The following ULK4 variants were observed in gnomAD, a reference collection of about 807,000 sequenced individuals.
ULK4 encodes inactive serine/threonine-protein kinase ULK4.
In ULK4, 133 loss-of-function variants were observed where a neutral mutation model predicts 160.6. That is an observed-to-expected ratio of 0.83 (90% CI 0.72 to 0.96). ULK4 has a LOEUF of 0.96. Among genes scored for constraint, ULK4 ranks in the 40% least tolerant of loss-of-function variants. The pLI, the probability that ULK4 is intolerant of heterozygous loss-of-function variation, is 0.00. For missense variants in ULK4, 1,580 were observed against 1,499.5 expected (o/e 1.05, Z -0.89); for synonymous variants, 534 against 539.8 (o/e 0.99, Z 0.15).
At chr3:41,673,829 C>T (rs2035617162) in intron 29 of ULK4, among the ~76,000 whole-genome samples, 1 of 152,164 alleles carries the variant, frequency 6.6e-6, no homozygotes, top group African/African-American at 2.4e-5. Flanking sequence ...CACACACTCT[C>T]CCCTTACAAT....
chr3:41,669,942 G>A (rs1193401932), intron 29 of ULK4, among the ~76,000 whole-genome samples: 2 of 152,194 alleles, frequency 1.3e-5, no homozygotes, highest in Admixed American at 1.3e-4. Flanking sequence ...AGAAACCATA[G>A]AATGGAGCAG....
At chr3:41,921,303 C>G (rs1247215870) in intron 5 of ULK4, among the ~76,000 whole-genome samples, 4 of 152,044 alleles carry the variant, frequency 2.6e-5, no homozygotes, top group Non-Finnish European at 5.9e-5. Flanking sequence ...CAAAGCAAGA[C>G]TCTGTCTCAA....
At chr3:41,499,176 T>C (rs1003394853) in intron 32 of ULK4, among the ~76,000 whole-genome samples, 2 of 152,182 alleles carry the variant, frequency 1.3e-5, no homozygotes, top group African/African-American at 4.8e-5. Context: ...TTCATTCCCT[T>C]GCCAATATTT....
At chr3:41,725,460 T>G (rs1436839036) in intron 22 of ULK4, among the ~76,000 whole-genome samples, 1 of 152,164 alleles carries the variant, frequency 6.6e-6, no homozygotes, top group African/African-American at 2.4e-5. Flanking sequence ...TTCTCCCAGA[T>G]AGCATTTCTC....
At chr3:41,640,216 G>C (rs969455882) in intron 30 of ULK4, among the ~76,000 whole-genome samples, 2 of 152,130 alleles carry the variant, frequency 1.3e-5, no homozygotes, top group African/African-American at 4.8e-5. Flanking sequence ...AGCTAGGAAA[G>C]CTCACTATGC....
At chr3:41,757,329 T>G (rs2125901737) in intron 21 of ULK4, among the ~76,000 whole-genome samples, 1 of 152,208 alleles carries the variant, frequency 6.6e-6, no homozygotes, top group Admixed American at 6.5e-5. Flanking sequence ...CAAAAACATT[T>G]TGGCTGATAA....
At chr3:41,598,836 G>T (rs888760794) in intron 31 of ULK4, among the ~76,000 whole-genome samples, 50 of 152,320 alleles carry the variant, frequency 3.3e-4, no homozygotes, top group African/African-American at 1.0e-3. Flanking sequence ...TATCACAGAC[G>T]TTGTGGCTTA....
At chr3:41,718,821 T>A (rs1366736974) in intron 22 of ULK4, among the ~76,000 whole-genome samples, 1 of 152,218 alleles carries the variant, frequency 6.6e-6, no homozygotes, top group Non-Finnish European at 1.5e-5. Flanking sequence ...ACTTAGCATT[T>A]ATGTGGCTCT....
chr3:41,446,100 T>C (rs2083290882), intron 34 of ULK4, among the ~76,000 whole-genome samples: 1 of 152,192 alleles, frequency 6.6e-6, no homozygotes. Flanking sequence ...AAGACATTTA[T>C]GCAGCCAAAA....
At chr3:41,408,378 A>G (rs1379661509) in intron 34 of ULK4, among the ~76,000 whole-genome samples, 2 of 143,894 alleles carry the variant, frequency 1.4e-5, no homozygotes, top group Non-Finnish European at 3.0e-5. Flanking sequence ...CAATGAGCCG[A>G]GATCGCACCA....
intron 35 of ULK4, among the ~76,000 whole-genome samples, chr3:41,261,577 ATGTTG>A (rs1177851423): frequency 2.6e-5 from 4 of 152,158 alleles, no homozygotes; most frequent in Non-Finnish European, 4.4e-5. Context: ...CACTGCCTAC[ATGTTG>A]TGTTATCTTG....
chr3:41,673,165 T>A (rs1309601825), intron 29 of ULK4, among the ~76,000 whole-genome samples: 1 of 151,962 alleles, frequency 6.6e-6, no homozygotes, highest in Non-Finnish European at 1.5e-5. Flanking sequence ...TTAAAAAAAA[T>A]TATGTAAGCA....
rs57720185 is a variant in ULK4 at position 41,522,129 on chromosome 3, C to CTT, written c.3226+43894_3226+43895dup. On this transcript the variant is annotated intron_variant, in intron 32 of 36. Coordinates refer to ENST00000301831, the MANE Select transcript of ULK4 (RefSeq NM_017886.4). ...TGGTTAAATGTTTTTTCTTTTTTTT[C>CTT]TTTTTTTTTTTTTTTGAGACCGAGT... Among the ~76,000 whole-genome samples, 134 of 135,940 alleles carry CTT rather than the reference C, an allele frequency of 9.9e-4. 1 individual carries two copies. Among genetic ancestry groups the CTT allele is most frequent in the Middle Eastern group, 3.7e-3 (1 of 268 alleles). 89.2% of individuals were successfully genotyped at this position (135,940 alleles called of 152,430 possible).
At chr3:41,451,367 G>C (rs1162536771) in intron 34 of ULK4, among the ~76,000 whole-genome samples, 1 of 151,752 alleles carries the variant, frequency 6.6e-6, no homozygotes, top group Admixed American at 6.6e-5. Context: ...GGCTGGGTGA[G>C]AGAGACAAAA....
At chr3:41,486,374 G>C (rs924008626) in intron 32 of ULK4, among the ~76,000 whole-genome samples, 1 of 152,138 alleles carries the variant, frequency 6.6e-6, no homozygotes, top group Admixed American at 6.5e-5. Context: ...GAACATTAAA[G>C]TGTGCAGAAA....
chr3:41,603,259 T>C (rs950161901), intron 31 of ULK4, among the ~76,000 whole-genome samples: 3 of 152,004 alleles, frequency 2.0e-5, no homozygotes, highest in East Asian at 3.9e-4. Flanking sequence ...AATAATAAAA[T>C]TATCATTTTG....
intron 32 of ULK4, among the ~76,000 whole-genome samples, chr3:41,470,411 C>T (rs1470672130): frequency 6.6e-6 from 1 of 152,116 alleles, no homozygotes; most frequent in Non-Finnish European, 1.5e-5. Flanking sequence ...GAAAAACTTT[C>T]CCAGACAAAC....
At position 41,335,547 on chromosome 3, in the gene ULK4, C is replaced by T. The variant is rs564749864; in HGVS notation, c.3678+62532G>A. On this transcript the variant is annotated intron_variant, in intron 35 of 36. Coordinates refer to ENST00000301831, the MANE Select transcript of ULK4 (RefSeq NM_017886.4). ...GTGAGATAAAGACTTTTTCCCCTTG[C>T]AAAAACATCACAACCACTGATGACA... Among the ~76,000 whole-genome samples the T allele has an allele frequency of 2.5e-3, 386 of 152,124 alleles. 2 individuals carry two copies. Among genetic ancestry groups the T allele is most frequent in the Non-Finnish European group, 5.0e-3 (340 of 67,978 alleles).
Position 41,896,936 on chromosome 3 carries a change from G to A in ULK4, c.1416C>T (p.Ile472=), listed in dbSNP as rs554685419. 22 of 1,613,378 alleles carry A rather than the reference G, an allele frequency of 1.4e-5. No individual in the cohort carries two copies. The highest frequency in any genetic ancestry group is 6.6e-5 in the South Asian group (6 of 91,060). Reference sequence around the variant, plus strand: ...CCCCCATGCTCTTCTCAGTGGAGTCGATCTGCGAGCACACTTGTTGCAAAA... The same window carrying A: ...CCCCCATGCTCTTCTCAGTGGAGTCAATCTGCGAGCACACTTGTTGCAAAA... ...NDFLQQVCSQ[I]DSTEKSMGAS... The change falls in exon 15 of 37, where the codon ATC becomes ATT. Residue 472 remains isoleucine, a synonymous_variant. Transcript: ENST00000301831.
Sources: gnomAD v4.1 joint callset for allele counts (sites outside exome capture counted in the v4.1 genomes callset) on GRCh38, gnomAD v4.1.1 for gene constraint, MANE v1.5 for transcripts, NCBI Gene and HGNC (gene_info 2026-07-23, HGNC 2026-07-21) for gene names.